The following PSMC6 variants were observed in gnomAD, a reference collection of about 807,000 sequenced individuals.
PSMC6 encodes the protein 26S proteasome regulatory subunit 10B.
PSMC6 carries 3 observed loss-of-function variants against 55.9 expected under a neutral mutation model. The observed-to-expected ratio is 0.05, with a 90% CI of 0.02 to 0.14. The LOEUF is 0.14. PSMC6 is among the 10% of genes least tolerant of loss of function. The pLI is 1.00. For missense variants in PSMC6, 210 were observed against 478.7 expected (o/e 0.44, Z 5.24); for synonymous variants, 137 against 155.9 (o/e 0.88, Z 0.90).
At chr14:52,714,934 A>G (rs1205082820) in intron 7 of PSMC6, among the ~76,000 whole-genome samples, 6 of 151,678 alleles carry the variant, frequency 4.0e-5, no homozygotes, top group African/African-American at 1.2e-4. Context: ...TGCTTGACAT[A>G]TGTAGCCCCA....
intron 13 of PSMC6, among the ~76,000 whole-genome samples, chr14:52,726,608 C>T (rs1412015776): frequency 6.6e-6 from 1 of 152,062 alleles, no homozygotes; most frequent in Non-Finnish European, 1.5e-5. Flanking sequence ...TTAAGAGCTA[C>T]AATCAGATAC....
At chr14:52,707,451 T>A (rs772096050) in intron 1 of PSMC6, 147 bp downstream of exon 1, 23 of 1,103,556 alleles carry the variant, frequency 2.1e-5, no homozygotes, top group South Asian at 1.6e-5. Flanking sequence ...CATCCGGCCC[T>A]GAGCTTGTGG....
rs747167339 is a variant in PSMC6 at position 52,713,908 on chromosome 14, G to A, written c.469G>A (p.Glu157Lys). The stretch of plus-strand genomic sequence containing the variant: ...GATAGAATTACCTCTTACAAACCCA[G>A]AGTTATTTCAGCGTGTAGGAATAAT... ...EVIELPLTNP[E>K]LFQRVGIIPP... is the part of the protein sequence containing the mutation. Residue 157 changes from glutamate to lysine, a missense_variant, in exon 7 of 14, where the codon GAG becomes AAG. Coordinates refer to ENST00000445930, the MANE Select transcript of PSMC6 (RefSeq NM_002806.5). The A allele has an allele frequency of 6.3e-7, 1 of 1,599,218 alleles. No individual in the cohort carries two copies. The highest frequency in any genetic ancestry group is 1.1e-5 in the South Asian group (1 of 89,744).
chr14:52,708,882 T>A lies in PSMC6; in HGVS notation c.258+66T>A, dbSNP rs79085791. The A allele has an allele frequency of 4.6e-3, 7,344 of 1,592,740 alleles. 65 individuals are homozygous for A. Among genetic ancestry groups the A allele is most frequent in the East Asian group, 0.041 (1,844 of 44,478 alleles). On this transcript the variant is annotated intron_variant, in intron 4 of 13. Coordinates refer to ENST00000445930, the MANE Select transcript of PSMC6 (RefSeq NM_002806.5). ...GCAGTTTCATGTAAGTTATTGTCTC[T>A]AATTCTTGAGGCAAGCAGGTGGAGC...
chr14:52,727,489 T>C lies in PSMC6; in HGVS notation c.1052-10T>C. On this transcript the variant is annotated splice_polypyrimidine_tract_variant and intron_variant, in intron 13 of 13. Transcript: ENST00000445930. ...GATATATAGCAGTCATGTTGTTTTA[T>C]TCTCTACAGGTATGTTCGCAATTCG... The C allele has an allele frequency of 6.3e-7, 1 of 1,580,558 alleles. No individual in the cohort carries two copies. Among genetic ancestry groups the C allele is most frequent in the Non-Finnish European group, 8.7e-7 (1 of 1,152,592 alleles).
intron 9 of PSMC6, 26 bp downstream of exon 9, chr14:52,718,378 T>A (rs2041853191): frequency 6.3e-7 from 1 of 1,588,444 alleles, no homozygotes; most frequent in Middle Eastern, 1.7e-4. Flanking sequence ...TTGTTGAAAG[T>A]TTTAGGACTT....
At chr14:52,717,420 C>T (rs1305300063) in intron 7 of PSMC6, among the ~76,000 whole-genome samples, 2 of 150,688 alleles carry the variant, frequency 1.3e-5, no homozygotes, top group Non-Finnish European at 3.0e-5. Context: ...ACTGCAACCC[C>T]CACCTCCCGG....
At chr14:52,717,997 C>G in intron 7 of PSMC6, 84 bp from the exon 8 acceptor site, 2 of 1,274,476 alleles carry the variant, frequency 1.6e-6, no homozygotes, top group Non-Finnish European at 2.3e-6. Flanking sequence ...CACACTCCAG[C>G]CTAGGTGACA....
In PSMC6 at chr14:52,728,133, T is replaced by C. The variant is rs1880495428; in HGVS notation, c.*516T>C. ...GTACACATACTTAATGTTCATAAGA[T>C]CATCTTCTTAAATAAAACATGGATG... On this transcript the variant is annotated 3_prime_UTR_variant, in exon 14 of 14. Coordinates refer to ENST00000445930, the MANE Select transcript of PSMC6 (RefSeq NM_002806.5). The C allele has an allele frequency of 6.5e-6, 1 of 152,906 alleles. No homozygotes were observed. Among genetic ancestry groups the C allele is most frequent in the South Asian group, 2.0e-4 (1 of 4,886 alleles). The allele number at this position is 152,906 out of a possible 1,614,324, so 9.5% of individuals were successfully genotyped here.
At chr14:52,711,214 G>T (rs780929529) in intron 5 of PSMC6, 46 bp downstream of exon 5, 9 of 1,561,350 alleles carry the variant, frequency 5.8e-6, no homozygotes, top group Non-Finnish European at 7.0e-6. Flanking sequence ...TTCACAAAGG[G>T]TGGTTTTTAT....
At chr14:52,711,280 T>A (rs1237973638) in intron 5 of PSMC6, 112 bp downstream of exon 5, 3 of 1,301,148 alleles carry the variant, frequency 2.3e-6, no homozygotes, top group Non-Finnish European at 2.2e-6. Flanking sequence ...TCCCTTTTAC[T>A]AGTTTCTAAT....
chr14:52,720,670 A>C (rs2041881350), intron 10 of PSMC6, among the ~76,000 whole-genome samples, 191 bp from the exon 11 acceptor site: 1 of 152,222 alleles, frequency 6.6e-6, no homozygotes, highest in Non-Finnish European at 1.5e-5. Context: ...AATCTAGCTT[A>C]GAACTTTGAG....
intron 7 of PSMC6, among the ~76,000 whole-genome samples, chr14:52,714,762 A>G (rs2041811738): frequency 6.6e-6 from 1 of 151,476 alleles, no homozygotes; most frequent in African/African-American, 2.4e-5. Context: ...GCTACTCGGG[A>G]AGCTGAGGCA....
intron 12 of PSMC6, chr14:52,722,389 T>TTA (rs1880234042): frequency 3.3e-5 from 5 of 151,308 alleles, no homozygotes; most frequent in Admixed American, 3.3e-4. Context: ...TTTTTTTTTT[T>TTA]TAATAATGCT....
At chr14:52,727,114 G>A (rs1368887067) in intron 13 of PSMC6, among the ~76,000 whole-genome samples, 6 of 143,706 alleles carry the variant, frequency 4.2e-5, no homozygotes, top group Non-Finnish European at 8.9e-5. Flanking sequence ...TCCGCCTCCT[G>A]GGTTCAAGCC....
intron 6 of PSMC6, among the ~76,000 whole-genome samples, chr14:52,712,101 C>T (rs2041779088): frequency 6.6e-6 from 1 of 152,040 alleles, no homozygotes; most frequent in South Asian, 2.1e-4. Context: ...ATTACATTGT[C>T]CTATGGATTT....
intron 4 of PSMC6, chr14:52,709,074 A>G (rs1296555436): frequency 9.9e-6 from 3 of 302,636 alleles, no homozygotes; most frequent in Non-Finnish European, 1.8e-5. Flanking sequence ...AGTATTTTAG[A>G]ACTGGAAAAC....
chr14:52,724,820 A>G (rs1377269106), intron 13 of PSMC6, among the ~76,000 whole-genome samples: 2 of 152,234 alleles, frequency 1.3e-5, no homozygotes, highest in African/African-American at 4.8e-5. Context: ...CTTCTACAGT[A>G]TAGTTACTGA....
intron 6 of PSMC6, 31 bp from the exon 7 acceptor site, chr14:52,713,850 C>T: frequency 7.0e-7 from 1 of 1,426,944 alleles, no homozygotes; most frequent in Non-Finnish European, 9.8e-7. Context: ...TCTTGACTAA[C>T]TTTTTAAGAA....
Sources: allele counts gnomAD v4.1 joint callset (sites outside exome capture counted in the v4.1 genomes callset), GRCh38; gene constraint gnomAD v4.1.1; transcripts MANE v1.5; gene names NCBI Gene and HGNC (gene_info 2026-07-23, HGNC 2026-07-21).